POU3F3: variants seen among roughly 807,000 people sequenced by gnomAD.
POU3F3 encodes POU class 3 homeobox 3.
A neutral mutation model predicts 8.6 loss-of-function variants in POU3F3; 1 was observed. The observed-to-expected ratio is 0.12, with a 90% CI of 0.04 to 0.55. The LOEUF (loss-of-function observed/expected upper bound fraction) is 0.55. Ranked by LOEUF, POU3F3 falls within the 20% of genes least tolerant of loss-of-function variation. The pLI is 0.91. For synonymous variants in POU3F3, 418 were observed against 327.4 expected, an observed-to-expected ratio of 1.28 and a Z score of -2.99; for missense variants, 577 against 690.7, an observed-to-expected ratio of 0.84 and a Z score of 1.84.
Position 104,857,022 on chromosome 2 carries a change from C to T in POU3F3, c.*9C>T. The T allele has an allele frequency of 6.4e-7, 1 of 1,567,372 alleles. No homozygotes were observed. Among genetic ancestry groups the T allele is most frequent in the Non-Finnish European group, 8.6e-7 (1 of 1,157,810 alleles). On this transcript the variant is annotated 3_prime_UTR_variant, in exon 1 of 1. Transcript: ENST00000361360. Reference sequence around the variant, plus strand: ...AGACGAGCGTTCAGTGAAGCCAGGGCGCAGAGCGAAGAGGGCCGCCGCCGC... The same window carrying T: ...AGACGAGCGTTCAGTGAAGCCAGGGTGCAGAGCGAAGAGGGCCGCCGCCGC...
the POU3F3 span, among the ~76,000 whole-genome samples, chr2:104,899,758 C>T: frequency 1.3e-5 from 2 of 152,196 alleles, no homozygotes; most frequent in African/African-American, 2.4e-5. Flanking sequence ...GAGAGAGGCA[C>T]TTTGAGGTTT....
chr2:104,905,987 A>T, the POU3F3 span, among the ~76,000 whole-genome samples: 2 of 152,362 alleles, frequency 1.3e-5, no homozygotes, highest in South Asian at 4.1e-4. Flanking sequence ...TTTGAAAGTC[A>T]TGAACAAATA....
At chr2:104,921,679 A>C in the POU3F3 span, among the ~76,000 whole-genome samples, 3 of 152,154 alleles carry the variant, frequency 2.0e-5, no homozygotes, top group African/African-American at 7.2e-5. Flanking sequence ...TTGGGAGCCA[A>C]GCATTTTAAC....
chr2:104,914,381 G>A, the POU3F3 span, among the ~76,000 whole-genome samples: 1 of 152,164 alleles, frequency 6.6e-6, no homozygotes, highest in Non-Finnish European at 1.5e-5. Flanking sequence ...CCTCTGATGG[G>A]TTGATTTAGG....
chr2:104,916,037 G>T, the POU3F3 span, among the ~76,000 whole-genome samples: 2 of 151,338 alleles, frequency 1.3e-5, no homozygotes, highest in Non-Finnish European at 2.9e-5. Flanking sequence ...TAAAACCATC[G>T]GTGCCCTCAG....
At chr2:104,925,713 A>G in the POU3F3 span, among the ~76,000 whole-genome samples, 2 of 152,240 alleles carry the variant, frequency 1.3e-5, no homozygotes, top group African/African-American at 4.8e-5. Flanking sequence ...AGAAAAATCT[A>G]TTAATTTTCC....
chr2:104,924,643 G>T, the POU3F3 span, among the ~76,000 whole-genome samples: 2 of 152,130 alleles, frequency 1.3e-5, no homozygotes, highest in Non-Finnish European at 1.5e-5. Context: ...TAACCAAAAT[G>T]GTTTTCGAAT....
chr2:104,911,633 C>T, the POU3F3 span, among the ~76,000 whole-genome samples: 2 of 151,896 alleles, frequency 1.3e-5, no homozygotes, highest in South Asian at 4.2e-4. Context: ...CCTACATACC[C>T]CCTGACACAG....
At chr2:104,911,237 A>T in the POU3F3 span, among the ~76,000 whole-genome samples, 3 of 151,690 alleles carry the variant, frequency 2.0e-5, no homozygotes, top group African/African-American at 7.3e-5. Flanking sequence ...GCAAAATCCC[A>T]TCTCTACTAA....
At chr2:104,863,159 AATTATTATT>A (rs3056838), downstream of POU3F3, among the ~76,000 whole-genome samples, 4,918 of 134,792 alleles carry the variant, frequency 0.036, 100 homozygotes, top group Middle Eastern at 0.04. Context: ...TCATAATAAC[AATTATTATT>A]ATTATTATTA....
chr2:104,857,144 G>T lies in POU3F3; in HGVS notation c.*131G>T. The T allele has an allele frequency of 1.1e-6, 1 of 911,736 alleles. No homozygotes were observed. Among genetic ancestry groups the T allele is most frequent in the Non-Finnish European group, 1.3e-6 (1 of 763,828 alleles). The allele number at this position is 911,736 out of a possible 1,614,324, so 56.5% of individuals were successfully genotyped here. A position where few individuals can be genotyped will look rare whatever the true frequency, so the allele number is the denominator to read the frequency against. ...CCGCCGCCGCGCCGACCCTGCACCT[G>T]GGCCGCTCCGGGCTCCAGCCCAGGC... On this transcript the variant is annotated 3_prime_UTR_variant, in exon 1 of 1. Coordinates refer to ENST00000361360, the MANE Select transcript of POU3F3 (RefSeq NM_006236.3).
At chr2:104,907,356 C>T in the POU3F3 span, among the ~76,000 whole-genome samples, 2 of 152,206 alleles carry the variant, frequency 1.3e-5, no homozygotes, top group Non-Finnish European at 2.9e-5. Context: ...CCTTATTCTC[C>T]TGAATTCCTT....
chr2:104,894,728 G>A, the POU3F3 span, among the ~76,000 whole-genome samples: 28 of 152,250 alleles, frequency 1.8e-4, no homozygotes, highest in African/African-American at 6.3e-4. Flanking sequence ...AAAGCACACT[G>A]TCCAAAAAAT....
the POU3F3 span, among the ~76,000 whole-genome samples, chr2:104,876,893 A>G: frequency 1.3e-5 from 2 of 152,202 alleles, no homozygotes; most frequent in African/African-American, 4.8e-5. Context: ...TTCGCTCTTC[A>G]GGGTTCAGGG....
the POU3F3 span, among the ~76,000 whole-genome samples, chr2:104,895,190 T>C: frequency 1.3e-5 from 2 of 152,150 alleles, no homozygotes; most frequent in African/African-American, 4.8e-5. Context: ...CTTTGCTATG[T>C]TTATTTCTCT....
the POU3F3 span, among the ~76,000 whole-genome samples, chr2:104,911,537 G>A: frequency 1.3e-5 from 2 of 151,962 alleles, no homozygotes; most frequent in Admixed American, 1.3e-4. Context: ...GAACATAAGA[G>A]AAGTGTGGTG....
chr2:104,872,392 G>C, the POU3F3 span: 1 of 455,880 alleles, frequency 2.2e-6, no homozygotes, highest in Non-Finnish European at 4.4e-6. This position sits in a 1 kb window ranked among gnomAD's most constrained non-coding sequence, Gnocchi z 4.6. Context: ...AGAAAACCGG[G>C]TATGGGGGAA....
chr2:104,867,863 A>T, the POU3F3 span: 12 of 183,548 alleles, frequency 6.5e-5, 1 homozygote, highest in South Asian at 8.5e-4. This position sits in a 1 kb window ranked among gnomAD's most constrained non-coding sequence, Gnocchi z 5.0. Flanking sequence ...GGGCACTCAC[A>T]GCGGCTAGTT....
At chr2:104,888,052 G>A in the POU3F3 span, among the ~76,000 whole-genome samples, 2 of 152,354 alleles carry the variant, frequency 1.3e-5, no homozygotes, top group Middle Eastern at 3.4e-3. Context: ...CAATAAGGAA[G>A]TGCTATCATT....
Sources: gnomAD v4.1 joint callset for allele counts (sites outside exome capture counted in the v4.1 genomes callset) on GRCh38, gnomAD v4.1.1 for gene constraint, Gnocchi (gnomAD v3.1) non-coding constraint, MANE v1.5 for transcripts, NCBI Gene and HGNC (gene_info 2026-07-23, HGNC 2026-07-21) for gene names.